Variants in ANKS1B observed in about 807,000 individuals in gnomAD.
ANKS1B encodes the protein ankyrin repeat and sterile alpha motif domain-containing protein 1B.
A neutral mutation model predicts 148.3 loss-of-function variants in ANKS1B; 36 were observed. The ratio of observed to expected loss-of-function variants is 0.24; its 90% CI spans 0.19 to 0.32. The LOEUF (loss-of-function observed/expected upper bound fraction) is 0.32. ANKS1B is among the 10% of genes least tolerant of loss of function. The pLI is 1.00. For missense variants in ANKS1B, 1,157 were observed against 1,542.6 expected (o/e 0.75, Z 4.19); for synonymous variants, 542 against 560.8 (o/e 0.97, Z 0.47).
At chr12:99,468,764 G>T (rs545912282) in intron 10 of ANKS1B, among the ~76,000 whole-genome samples, 5 of 152,200 alleles carry the variant, frequency 3.3e-5, no homozygotes, top group African/African-American at 1.2e-4. Flanking sequence ...CAGTTAGAAT[G>T]GCAATCATTA....
chr12:99,425,651 T>A (rs571476235), intron 11 of ANKS1B, among the ~76,000 whole-genome samples: 1 of 151,942 alleles, frequency 6.6e-6, no homozygotes, highest in Non-Finnish European at 1.5e-5. Flanking sequence ...GTTATAACTT[T>A]ATTGTGCATT....
intron 8 of ANKS1B, among the ~76,000 whole-genome samples, chr12:99,711,950 C>T (rs952801140): frequency 6.6e-6 from 1 of 152,094 alleles, no homozygotes; most frequent in Non-Finnish European, 1.5e-5. Flanking sequence ...AAACTAAATG[C>T]CCATCAATGA....
At chr12:99,774,485 GGT>G (rs912115730) in intron 7 of ANKS1B, among the ~76,000 whole-genome samples, 2 of 152,016 alleles carry the variant, frequency 1.3e-5, no homozygotes, top group African/African-American at 4.8e-5. Context: ...AAAGATAGGA[GGT>G]GTTTCTGAGG....
chr12:99,483,254 T>C (rs966695037), intron 10 of ANKS1B, among the ~76,000 whole-genome samples: 3 of 152,086 alleles, frequency 2.0e-5, no homozygotes, highest in African/African-American at 7.2e-5. Context: ...TCTATTGAGA[T>C]GATCATATCA....
chr12:99,259,468 A>T (rs191243331), intron 12 of ANKS1B, among the ~76,000 whole-genome samples: 196 of 152,344 alleles, frequency 1.3e-3, no homozygotes, highest in African/African-American at 4.5e-3. Context: ...AAGCCAGAGA[A>T]TGCTGACATT....
chr12:99,907,917 T>A (rs1208246176), intron 1 of ANKS1B, among the ~76,000 whole-genome samples: 40 of 148,782 alleles, frequency 2.7e-4, no homozygotes, highest in Admixed American at 2.6e-3. Flanking sequence ...GAGGAACAAG[T>A]AAAGCAACAT....
chr12:99,904,264 TCA>T (rs2093702156), intron 1 of ANKS1B, among the ~76,000 whole-genome samples: 1 of 150,706 alleles, frequency 6.6e-6, no homozygotes, highest in African/African-American at 2.4e-5. Flanking sequence ...TGATCTCAGC[TCA>T]CTGCAACCTC....
At chr12:98,827,898 T>G (rs527249527) in intron 19 of ANKS1B, among the ~76,000 whole-genome samples, 48 of 152,124 alleles carry the variant, frequency 3.2e-4, no homozygotes, top group Non-Finnish European at 5.7e-4. Context: ...TTAGAGAAAT[T>G]TAACCACATA....
At chr12:99,812,579 AG>A (rs2068567458) in intron 2 of ANKS1B, among the ~76,000 whole-genome samples, 2 of 147,942 alleles carry the variant, frequency 1.4e-5, no homozygotes, top group South Asian at 4.3e-4. Context: ...AGAGAGAGAA[AG>A]AGAGCGAGAG....
chr12:98,842,050 C>A (rs956194340), intron 17 of ANKS1B, among the ~76,000 whole-genome samples: 1 of 152,086 alleles, frequency 6.6e-6, no homozygotes, highest in Non-Finnish European at 1.5e-5. Context: ...AACATATAAC[C>A]CAGCAAGTTG....
At chr12:99,378,378 G>A (rs910500492) in intron 12 of ANKS1B, among the ~76,000 whole-genome samples, 9 of 152,040 alleles carry the variant, frequency 5.9e-5, no homozygotes, top group Middle Eastern at 3.2e-3. Context: ...AGAGAAGGCC[G>A]GGCATGGTGG....
chr12:99,743,839 T>C (rs1349221154), intron 8 of ANKS1B, among the ~76,000 whole-genome samples: 1 of 152,236 alleles, frequency 6.6e-6, no homozygotes, highest in Non-Finnish European at 1.5e-5. Flanking sequence ...GAACTATGTC[T>C]TACAGGTCTA....
intron 16 of ANKS1B, among the ~76,000 whole-genome samples, chr12:99,076,806 C>T (rs1042939564): frequency 3.3e-5 from 5 of 152,164 alleles, no homozygotes; most frequent in African/African-American, 4.8e-5. Flanking sequence ...ACTATGCCTA[C>T]AGTCTAAGCC....
At chr12:99,783,238 A>C (rs1469466815) in intron 4 of ANKS1B, among the ~76,000 whole-genome samples, 1 of 151,922 alleles carries the variant, frequency 6.6e-6, no homozygotes, top group Non-Finnish European at 1.5e-5. Flanking sequence ...GCATTTAAAC[A>C]CAGGTAACCT....
chr12:99,256,096 A>G (rs917078527), intron 12 of ANKS1B, among the ~76,000 whole-genome samples: 2 of 152,090 alleles, frequency 1.3e-5, no homozygotes, highest in African/African-American at 4.8e-5. Flanking sequence ...CTAAAAATAC[A>G]AAAATCAACT....
Position 99,155,014 on chromosome 12 carries a change from T to C in ANKS1B, c.2420-619A>G, listed in dbSNP as rs1380574454. The C allele has an allele frequency of 3.9e-6, 6 of 1,535,170 alleles. No individual in the cohort carries two copies. The African/African-American group carries it at 8.2e-5, about 21-fold the overall frequency. On this transcript the variant is annotated intron_variant, in intron 14 of 26. Coordinates refer to ENST00000683438, the MANE Select transcript of ANKS1B (RefSeq NM_001352186.2). The stretch of plus-strand genomic sequence containing the variant: ...GAATGATGAGAGCAGTCAAAACAAA[T>C]GCAGAAAATAGCAAGATTCAAAAGC...
intron 12 of ANKS1B, among the ~76,000 whole-genome samples, chr12:99,301,825 A>T (rs990428377): frequency 1.5e-4 from 23 of 150,894 alleles, no homozygotes; most frequent in African/African-American, 5.5e-4. Context: ...AGTGTTATAT[A>T]AAAAAAGGCA....
At chr12:99,091,310 T>C (rs2053907656) in intron 15 of ANKS1B, among the ~76,000 whole-genome samples, 1 of 152,176 alleles carries the variant, frequency 6.6e-6, no homozygotes, top group Non-Finnish European at 1.5e-5. Flanking sequence ...TTGAAACATC[T>C]GTTGTCAAGC....
At chr12:99,217,586 A>G (rs890107319) in intron 14 of ANKS1B, among the ~76,000 whole-genome samples, 65 of 152,048 alleles carry the variant, frequency 4.3e-4, no homozygotes, top group Non-Finnish European at 1.0e-4. Flanking sequence ...TGTTCATCAC[A>G]TTCCACCAGC....
Sources: allele counts gnomAD v4.1 joint callset (sites outside exome capture counted in the v4.1 genomes callset), GRCh38; gene constraint gnomAD v4.1.1; transcripts MANE v1.5; gene names NCBI Gene and HGNC (gene_info 2026-07-23, HGNC 2026-07-21).